Variants in CACNA1S observed in about 807,000 individuals in gnomAD.
CACNA1S encodes the protein voltage-dependent L-type calcium channel subunit alpha-1S.
A neutral mutation model predicts 207.4 loss-of-function variants in CACNA1S; 126 were observed. The ratio of observed to expected loss-of-function variants is 0.61; its 90% CI spans 0.53 to 0.70. CACNA1S has a LOEUF of 0.70. CACNA1S is among the 30% of genes least tolerant of loss of function. CACNA1S has a pLI of 0.00. For missense variants in CACNA1S, 2,349 were observed against 2,422.8 expected (o/e 0.97, Z 0.64); for synonymous variants, 960 against 932.7 (o/e 1.03, Z -0.53).
chr1:201,097,629 G>A (rs1039534911), intron 2 of CACNA1S, among the ~76,000 whole-genome samples: 6 of 152,182 alleles, frequency 3.9e-5, no homozygotes, highest in African/African-American at 1.2e-4. Flanking sequence ...TTGAGGCCAC[G>A]TCATCCTCAC....
chr1:201,095,566 A>G (rs1662393561), intron 2 of CACNA1S, among the ~76,000 whole-genome samples: 1 of 152,174 alleles, frequency 6.6e-6, no homozygotes, highest in African/African-American at 2.4e-5. Context: ...TGAAAGCATG[A>G]TTTTCCCCTT....
At chr1:201,101,186 A>C (rs1016994128) in intron 2 of CACNA1S, among the ~76,000 whole-genome samples, 1 of 152,216 alleles carries the variant, frequency 6.6e-6, no homozygotes, top group African/African-American at 2.4e-5. Flanking sequence ...AGTTCTTAAA[A>C]ATTCTTATCT....
At chr1:201,109,197 G>A (rs1338610575) in intron 2 of CACNA1S, among the ~76,000 whole-genome samples, 4 of 149,492 alleles carry the variant, frequency 2.7e-5, no homozygotes, top group South Asian at 2.1e-4. Flanking sequence ...GCAGTGAGCC[G>A]AGAGCCGAGA....
intron 5 of CACNA1S, among the ~76,000 whole-genome samples, chr1:201,091,137 C>T (rs1361825110): frequency 6.6e-6 from 1 of 152,136 alleles, no homozygotes; most frequent in Non-Finnish European, 1.5e-5. Context: ...TTGAGAACTG[C>T]TGCTTCAGCT....
At chr1:201,084,862 AACC>A in intron 9 of CACNA1S, 85 bp downstream of exon 9, 1 of 940,356 alleles carries the variant, frequency 1.1e-6, no homozygotes, top group Middle Eastern at 2.1e-4. Context: ...GTGACTCTGA[AACC>A]ACTGAGGGGA....
At chr1:201,048,556 G>C (rs1480452091) in intron 36 of CACNA1S, 26 bp downstream of exon 36, 1 of 1,527,178 alleles carries the variant, frequency 6.5e-7, no homozygotes, top group Non-Finnish European at 9.1e-7. Context: ...AGAAAGGAGG[G>C]GGCTCACATT....
chr1:201,044,233 C>G (rs1269620526), intron 39 of CACNA1S, 95 bp downstream of exon 39: 2 of 1,513,150 alleles, frequency 1.3e-6, no homozygotes, highest in Admixed American at 1.7e-5. Flanking sequence ...TCCCATGTCC[C>G]CCTCTCGTGT....
rs2102541566 is a variant in CACNA1S at position 201,041,536 on chromosome 1, C to G, written c.5102G>C (p.Gly1701Ala). The G allele has an allele frequency of 6.2e-7, 1 of 1,614,180 alleles. No individual in the cohort carries two copies. ...PEETETPATRGRALGQPCRVL... is the reference protein window; with the variant it reads ...PEETETPATRARALGQPCRVL... ...CCTGCAGGGTTGGCCAAGGGCTCGT[C>G]CTCTGGTAGCAGGCGTCTCTGTCTC... Residue 1701 changes from glycine (G) to alanine (A), a missense_variant, in exon 41 of 44, where the codon GGA (glycine) becomes GCA (alanine). Transcript: ENST00000362061.
At chr1:201,097,366 G>A (rs1349764148) in intron 2 of CACNA1S, among the ~76,000 whole-genome samples, 3 of 151,928 alleles carry the variant, frequency 2.0e-5, no homozygotes, top group East Asian at 1.9e-4. Flanking sequence ...CTCTGGCCTC[G>A]TCACCAGCCT....
rs565254185 is a variant in CACNA1S, at chr1:201,091,688, C to T, written c.646G>A (p.Glu216Lys). 1.8e-5 allele frequency: 29 copies of T among 1,614,182 alleles called. No homozygotes were observed. In the South Asian group the frequency reaches 3.2e-4, roughly 18 times the overall value. ...MVIIYAIIGLELFKGKMHKTC... is the reference protein window; with the variant it reads ...MVIIYAIIGLKLFKGKMHKTC... ...TTGTGCATCTTGCCCTTGAAGAGCT[C>T]CAGCCCGATGATGGCATAGATGATG... The change falls in exon 5 of 44, where the codon GAG (glutamate) becomes AAG (lysine). Residue 216 changes from glutamate (E) to lysine (K), a missense_variant. Glu to Lys is a moderately conservative substitution (Grantham distance 56, BLOSUM62 1). Coordinates refer to ENST00000362061, the MANE Select transcript of CACNA1S (RefSeq NM_000069.3).
At chr1:201,092,220 C>T in intron 3 of CACNA1S, 106 bp from the exon 4 acceptor site, 12 of 1,270,818 alleles carry the variant, frequency 9.4e-6, no homozygotes, top group Non-Finnish European at 1.3e-5. Context: ...TGTGGAAAGG[C>T]CTAGGGGAGA....
chr1:201,073,265 C>T (rs1572045609), intron 15 of CACNA1S, among the ~76,000 whole-genome samples: 2 of 152,150 alleles, frequency 1.3e-5, no homozygotes, highest in Admixed American at 6.5e-5. Context: ...AGTGGAACAG[C>T]GGGTGTCAGG....
chr1:201,049,245 C>T, intron 34 of CACNA1S, 146 bp from the exon 35 acceptor site: 1 of 641,662 alleles, frequency 1.6e-6, no homozygotes, highest in Non-Finnish European at 2.8e-6. Flanking sequence ...AGTGGGAGCC[C>T]AGCTCCCTTT....
In CACNA1S at chr1:201,074,486, C is replaced by A. The variant is rs1445109820; in HGVS notation, c.2063+20G>T. On this transcript the variant is annotated intron_variant, in intron 14 of 43. Transcript: ENST00000362061. ...CACGACTGAGCACTCCAGGTCCCTT[C>A]CTGCTAAGGAAGCACTCACTTGGAC... 2.0e-6 allele frequency: 3 copies of A among 1,516,116 alleles called. No homozygotes were observed. The highest frequency in any genetic ancestry group is 9.2e-7 in the Non-Finnish European group (1 of 1,092,188). The allele number at this position is 1,516,116 out of a possible 1,614,324, so 93.9% of individuals were successfully genotyped here.
chr1:201,107,963 T>C (rs1228835496), intron 2 of CACNA1S, among the ~76,000 whole-genome samples: 1 of 152,188 alleles, frequency 6.6e-6, no homozygotes, highest in Non-Finnish European at 1.5e-5. Flanking sequence ...CTCATAATAC[T>C]GTCTCTATGA....
At chr1:201,105,506 G>C (rs1022058293) in intron 2 of CACNA1S, among the ~76,000 whole-genome samples, 7 of 152,182 alleles carry the variant, frequency 4.6e-5, no homozygotes, top group Non-Finnish European at 8.8e-5. Flanking sequence ...GCAGATTCTA[G>C]CTCCAGAACC....
rs147392278 is a variant in CACNA1S at position 201,043,357 on chromosome 1, G to C, written c.4972C>G (p.Arg1658Gly). 1 of 1,614,190 alleles carries C rather than the reference G, an allele frequency of 6.2e-7. No homozygotes were observed. The highest frequency in any genetic ancestry group is 8.5e-7 in the Non-Finnish European group (1 of 1,180,034). The change falls in exon 40 of 44, where the codon CGT (arginine) becomes GGT (glycine). Residue 1658 changes from arginine to glycine, a missense_variant. By Grantham distance (125) the Arg-to-Gly change is moderately radical (BLOSUM62 -2). Coordinates refer to ENST00000362061, the MANE Select transcript of CACNA1S (RefSeq NM_000069.3). ...PQDPRTNPLA[R>G]ANTNNANANV... Reference sequence around the variant, plus strand: ...GCGTTGGCATTGTTGGTATTGGCACGAGCCAGGGGGTTGGTGCGTGGATCT... The same window carrying C: ...GCGTTGGCATTGTTGGTATTGGCACCAGCCAGGGGGTTGGTGCGTGGATCT...
At chr1:201,074,383 T>A in intron 14 of CACNA1S, 123 bp downstream of exon 14, 1 of 716,716 alleles carries the variant, frequency 1.4e-6, no homozygotes, top group East Asian at 2.7e-5. Context: ...GTTTGCCCAC[T>A]GAGGTGGGTG....
Position 201,083,182 on chromosome 1 carries a change from A to T in CACNA1S, c.1373T>A (p.Leu458His), listed in dbSNP as rs12742169. ...CTCACCTTGCAAACGGGTCAGCCAGAGAGGCTGGTTGTGGTGCTCTGAGGC... is the reference window on the plus strand; with the variant it reads ...CTCACCTTGCAAACGGGTCAGCCAGTGAGGCTGGTTGTGGTGCTCTGAGGC... The part of the protein sequence containing the change: ...SIASEHHNQP[L>H]WLTRLQDIAN... Residue 458 changes from leucine (L) to histidine (H), a missense_variant, in exon 10 of 44, where the codon CTC (leucine) becomes CAC (histidine). Physicochemically the swap from Leu to His is moderately conservative, Grantham distance 99. Transcript: ENST00000362061. 519,756 of 1,613,504 alleles carry T rather than the reference A, an allele frequency of 0.32. 94,194 individuals carry two copies. The highest frequency in any genetic ancestry group is 0.38 in the Non-Finnish European group (448,887 of 1,179,540).
Sources: allele counts gnomAD v4.1 joint callset (sites outside exome capture counted in the v4.1 genomes callset), GRCh38; gene constraint gnomAD v4.1.1; transcripts MANE v1.5; gene names NCBI Gene and HGNC (gene_info 2026-07-23, HGNC 2026-07-21).